DIS3L2: variants seen among roughly 807,000 people sequenced by gnomAD.
The protein encoded by DIS3L2 is DIS3 like 3'-5' exoribonuclease 2.
Under a neutral mutation model 97.5 loss-of-function variants are expected in DIS3L2, and 34 were observed. That is an observed-to-expected ratio of 0.35 (90% CI 0.27 to 0.46). The LOEUF (loss-of-function observed/expected upper bound fraction) is 0.46, where lower values mean the gene tolerates loss of function less well. Ranked by LOEUF, DIS3L2 falls within the 20% of genes least tolerant of loss-of-function variation. DIS3L2 has a pLI of 1.00. For missense variants in DIS3L2, 1,038 were observed against 1,146.0 expected, an observed-to-expected ratio of 0.91 and a Z score of 1.36; for synonymous variants, 435 against 445.2, an observed-to-expected ratio of 0.98 and a Z score of 0.29.
chr2:232,172,125 G>A (rs1691008745), intron 9 of DIS3L2, among the ~76,000 whole-genome samples: 1 of 150,586 alleles, frequency 6.6e-6, no homozygotes, highest in South Asian at 2.3e-4. Flanking sequence ...ATAACTAAAT[G>A]TCAGGGTGGC....
At chr2:232,270,883 TCTCTC>T (rs1255033022) in intron 13 of DIS3L2, among the ~76,000 whole-genome samples, 9 of 147,274 alleles carry the variant, frequency 6.1e-5, no homozygotes, top group South Asian at 2.1e-4. Context: ...TCTCTCTCTC[TCTCTC>T]TCTCTCTCTC....
At chr2:232,267,115 A>G (rs2633261) in intron 13 of DIS3L2, among the ~76,000 whole-genome samples, 20,374 of 152,134 alleles carry the variant, frequency 0.13, 1,494 homozygotes, top group African/African-American at 0.18. Context: ...GAGCTGCCTA[A>G]CCCATGTCTG....
chr2:231,996,916 T>G (rs1018009101), intron 1 of DIS3L2, among the ~76,000 whole-genome samples: 12 of 152,222 alleles, frequency 7.9e-5, no homozygotes, highest in Admixed American at 5.2e-4. Context: ...AGTGACAGTA[T>G]TATTTCCTCA....
At chr2:232,238,479 G>C in intron 10 of DIS3L2, 54 bp from the exon 11 acceptor site, 1 of 1,465,356 alleles carries the variant, frequency 6.8e-7, no homozygotes, top group Non-Finnish European at 9.5e-7. Context: ...ACTCCTGGGA[G>C]AGAATGCTGT....
intron 5 of DIS3L2, among the ~76,000 whole-genome samples, chr2:232,058,438 G>T (rs1301803050): frequency 6.6e-6 from 1 of 152,152 alleles, no homozygotes; most frequent in Non-Finnish European, 1.5e-5. Flanking sequence ...GGTACTGAGT[G>T]GGGGAGTAAC....
intron 8 of DIS3L2, among the ~76,000 whole-genome samples, chr2:232,148,974 T>G (rs1243902737): frequency 6.7e-6 from 1 of 148,500 alleles, no homozygotes; most frequent in Non-Finnish European, 1.5e-5. Context: ...TATTGACACT[T>G]AAAATAAAAC....
rs1034997725 is a variant in DIS3L2, at chr2:232,292,832, C to A, written c.1660-7208C>A. ...CCTCTGCTGGTGGAAGCTGACAGAG[C>A]AACCTTGTTGTTGCCTCTTGGGTCC... On this transcript the variant is annotated intron_variant, in intron 13 of 20. Transcript: ENST00000325385. This position sits in a 1 kb window ranked among gnomAD's most constrained non-coding sequence, Gnocchi z 4.4. 8.5e-5 allele frequency among the ~76,000 whole-genome samples: 13 copies of A among 152,210 alleles called. No individual in the cohort carries two copies. Among genetic ancestry groups the A allele is most frequent in the African/African-American group, 3.1e-4 (13 of 41,460 alleles).
chr2:232,144,219 A>G (rs1690153222), intron 8 of DIS3L2, among the ~76,000 whole-genome samples: 2 of 152,102 alleles, frequency 1.3e-5, no homozygotes, highest in African/African-American at 2.4e-5. Flanking sequence ...TTAACTTTAC[A>G]ACTTTCTAGC....
chr2:232,245,901 A>T (rs1693233902), intron 11 of DIS3L2, among the ~76,000 whole-genome samples: 1 of 152,220 alleles, frequency 6.6e-6, no homozygotes, highest in African/African-American at 2.4e-5. Flanking sequence ...GTTTAAATAT[A>T]AGTCTCTAGT....
chr2:232,280,232 C>T (rs1483294883), intron 13 of DIS3L2, among the ~76,000 whole-genome samples: 2 of 152,182 alleles, frequency 1.3e-5, no homozygotes, highest in African/African-American at 2.4e-5. Context: ...GGAGCCTTGC[C>T]AGGCATGATG....
chr2:232,215,623 C>A (rs942788649), intron 10 of DIS3L2, among the ~76,000 whole-genome samples: 1 of 152,104 alleles, frequency 6.6e-6, no homozygotes. Context: ...TCAGAGAATT[C>A]CTAATAAACT....
chr2:232,071,174 G>A (rs1458813224), intron 5 of DIS3L2, among the ~76,000 whole-genome samples: 4 of 152,226 alleles, frequency 2.6e-5, no homozygotes. Context: ...TTTCTGTACT[G>A]TATCACAAAG....
rs144562032 is a variant in DIS3L2 at position 231,972,168 on chromosome 2, A to G, written c.-94+10403A>G. ...CCACTGCACCCCAGCTTGGCTACAG[A>G]GCGAGACTCGGTCTCAAAAAATAAA... On this transcript the variant is annotated intron_variant, in intron 1 of 20. Coordinates refer to ENST00000325385, the MANE Select transcript of DIS3L2 (RefSeq NM_152383.5). Among the ~76,000 whole-genome samples the G allele has an allele frequency of 6.6e-3, 996 of 152,028 alleles. 10 individuals carry two copies. The highest frequency in any genetic ancestry group is 0.023 in the African/African-American group (951 of 41,544).
At chr2:232,343,816 C>T (rs938051810) in exon 14 of DIS3L2, 45 of 463,250 alleles carry the variant, frequency 9.7e-5, no homozygotes, top group African/African-American at 8.2e-4. Context: ...ATTCCAATAC[C>T]CAATCTTTTC....
intron 1 of DIS3L2, among the ~76,000 whole-genome samples, chr2:232,010,064 C>A (rs888522821): frequency 1.3e-5 from 2 of 152,134 alleles, no homozygotes; most frequent in African/African-American, 4.8e-5. Context: ...GATAGGAGCC[C>A]CAGGCTAAAA....
chr2:232,200,730 C>G (rs1440295337), intron 9 of DIS3L2, among the ~76,000 whole-genome samples: 1 of 149,828 alleles, frequency 6.7e-6, no homozygotes, highest in Non-Finnish European at 1.5e-5. Context: ...GGCTATGATT[C>G]ATTCAGGCAA....
chr2:232,209,659 A>G (rs974144916), intron 9 of DIS3L2, among the ~76,000 whole-genome samples: 3 of 152,190 alleles, frequency 2.0e-5, no homozygotes, highest in Non-Finnish European at 2.9e-5. Flanking sequence ...TTAGGTGTTT[A>G]CATGGTGGGA....
intron 9 of DIS3L2, among the ~76,000 whole-genome samples, chr2:232,166,748 C>T (rs573498619): frequency 1.3e-5 from 2 of 151,860 alleles, no homozygotes; most frequent in Admixed American, 6.6e-5. Flanking sequence ...GGGCTGGGCA[C>T]GGTGGCTCAC....
intron 5 of DIS3L2, among the ~76,000 whole-genome samples, chr2:232,066,914 G>A (rs1036882979): frequency 1.3e-5 from 2 of 151,860 alleles, no homozygotes; most frequent in African/African-American, 2.4e-5. Flanking sequence ...AGACTGTATC[G>A]GCATAAAGCT....
Sources: gnomAD v4.1 joint callset for allele counts (sites outside exome capture counted in the v4.1 genomes callset) on GRCh38, gnomAD v4.1.1 for gene constraint, Gnocchi (gnomAD v3.1) non-coding constraint, MANE v1.5 for transcripts, NCBI Gene and HGNC (gene_info 2026-07-23, HGNC 2026-07-21) for gene names.